The following PAX3 variants were observed in gnomAD, a reference collection of about 807,000 sequenced individuals.
PAX3 encodes paired box 3.
PAX3 carries 14 observed loss-of-function variants against 51.6 expected under a neutral mutation model. That is an observed-to-expected ratio of 0.27 (90% CI 0.18 to 0.42). The LOEUF (loss-of-function observed/expected upper bound fraction) is 0.42. Ranked by LOEUF, PAX3 falls within the 10% of genes least tolerant of loss-of-function variation. The pLI is 1.00. For missense variants in PAX3, 540 were observed against 642.8 expected (o/e 0.84, Z 1.73); for synonymous variants, 280 against 253.4 (o/e 1.11, Z -1.00).
intron 4 of PAX3, among the ~76,000 whole-genome samples, chr2:222,253,520 A>C (rs1264260441): frequency 6.6e-6 from 1 of 152,208 alleles, no homozygotes; most frequent in Non-Finnish European, 1.5e-5. Context: ...CAAAGATATA[A>C]CCAGAGTCCA....
intron 4 of PAX3, among the ~76,000 whole-genome samples, chr2:222,290,333 G>A (rs1694983828): frequency 6.6e-6 from 1 of 152,136 alleles, no homozygotes. Flanking sequence ...CAAAGCTTTC[G>A]TCACTTTTAC....
At chr2:222,270,052 C>T (rs1383980039) in intron 4 of PAX3, among the ~76,000 whole-genome samples, 2 of 152,160 alleles carry the variant, frequency 1.3e-5, no homozygotes, top group African/African-American at 2.4e-5. Context: ...GCATTGTCCC[C>T]TTGCAACACT....
intron 4 of PAX3, among the ~76,000 whole-genome samples, chr2:222,246,377 A>G (rs188268986): frequency 2.1e-3 from 321 of 152,310 alleles, no homozygotes; most frequent in African/African-American, 7.5e-3. Context: ...TTCACCACCC[A>G]ATTTACATGT....
chr2:222,212,622 A>AACACACACACAC (rs57019405), intron 7 of PAX3, among the ~76,000 whole-genome samples: 1 of 147,932 alleles, frequency 6.8e-6, no homozygotes, highest in Non-Finnish European at 1.5e-5. Flanking sequence ...TGGAAAAACA[A>AACACACACACAC]ACACACACAC....
chr2:222,243,463 C>T (rs1559280661), intron 4 of PAX3, among the ~76,000 whole-genome samples: 1 of 152,132 alleles, frequency 6.6e-6, no homozygotes. Flanking sequence ...GGAGCCTAAA[C>T]TCAAAAAGTA....
intron 4 of PAX3, among the ~76,000 whole-genome samples, chr2:222,292,624 C>A (rs547997956): frequency 3.9e-4 from 59 of 152,344 alleles, no homozygotes; most frequent in African/African-American, 1.4e-3. Context: ...CTCCCCACTG[C>A]CCACAGGAGC....
intron 4 of PAX3, among the ~76,000 whole-genome samples, chr2:222,270,735 T>A (rs1216275346): frequency 6.6e-6 from 1 of 152,188 alleles, no homozygotes; most frequent in Non-Finnish European, 1.5e-5. Flanking sequence ...ATCAGAACAA[T>A]GTGAAAATCA....
chr2:222,246,711 A>T (rs977512731), intron 4 of PAX3, among the ~76,000 whole-genome samples: 1 of 152,168 alleles, frequency 6.6e-6, no homozygotes, highest in Non-Finnish European at 1.5e-5. Context: ...AAGTTTTTAA[A>T]AACTTTCTTA....
chr2:222,204,258 AC>A (rs1691420311), intron 7 of PAX3, among the ~76,000 whole-genome samples: 1 of 152,144 alleles, frequency 6.6e-6, no homozygotes, highest in South Asian at 2.1e-4. Context: ...TTAGGGCCCT[AC>A]CCAGCATTGT....
intron 4 of PAX3, among the ~76,000 whole-genome samples, chr2:222,253,307 T>C (rs1194358028): frequency 3.3e-5 from 5 of 152,200 alleles, no homozygotes; most frequent in African/African-American, 9.7e-5. Context: ...CACAGAGTGC[T>C]TGTAGAATGT....
rs1036618296 is a variant in PAX3 at position 222,298,627 on chromosome 2, C to T, written c.-12G>A. On this transcript the variant is annotated 5_prime_UTR_variant, in exon 1 of 9. Coordinates refer to ENST00000392070, the MANE Select transcript of PAX3 (RefSeq NM_181458.4). ...GCCAGCGTGGTCATCCTGGGGGCAG[C>T]TTCGCTCGGAAATTATATCCAGGTG... is the stretch of plus-strand genomic sequence containing the variant. 6.3e-7 allele frequency: 1 copy of T among 1,598,440 alleles called. No individual in the cohort carries two copies. The highest frequency in any genetic ancestry group is 1.3e-5 in the African/African-American group (1 of 74,624).
chr2:222,271,661 T>C (rs1055567960), intron 4 of PAX3, among the ~76,000 whole-genome samples: 1 of 152,224 alleles, frequency 6.6e-6, no homozygotes, highest in African/African-American at 2.4e-5. Flanking sequence ...TTTTTAAACC[T>C]AAATAACCTA....
chr2:222,257,029 C>T (rs1003465506), intron 4 of PAX3, among the ~76,000 whole-genome samples: 3 of 152,194 alleles, frequency 2.0e-5, no homozygotes, highest in African/African-American at 7.2e-5. Context: ...ACAGAATGGG[C>T]ACACACAGAC....
rs536679300 is a variant in PAX3 at position 222,201,055 on chromosome 2, G to A, written c.*353C>T. The A allele has an allele frequency of 1.4e-4, 137 of 972,510 alleles. No individual in the cohort carries two copies. The highest frequency in any genetic ancestry group is 4.4e-4 in the African/African-American group (26 of 58,450). 60.2% of individuals were successfully genotyped at this position (972,510 alleles called of 1,614,324 possible). ...TCAATACACACACACACACACACAC[G>A]CACGCACGCACACAAGCAAATGGAA... On this transcript the variant is annotated 3_prime_UTR_variant, in exon 9 of 9. Coordinates refer to ENST00000392070, the MANE Select transcript of PAX3 (RefSeq NM_181458.4).
intron 7 of PAX3, among the ~76,000 whole-genome samples, chr2:222,218,188 A>AT (rs1026577381): frequency 1.8e-4 from 28 of 152,114 alleles, no homozygotes; most frequent in Non-Finnish European, 3.7e-4. Context: ...TGCCTATGGA[A>AT]TTTTCCGTTG....
At chr2:222,295,458 T>A (rs367873170) in intron 3 of PAX3, 70 bp downstream of exon 3, 1 of 1,568,048 alleles carries the variant, frequency 6.4e-7, no homozygotes, top group African/African-American at 1.4e-5. Flanking sequence ...GGTGATTACG[T>A]CTGGGTCGAC....
In PAX3 at chr2:222,200,957, C is replaced by A. The variant is rs1457852849; in HGVS notation, c.*451G>T. The A allele has an allele frequency of 3.4e-6, 2 of 590,600 alleles. No individual in the cohort carries two copies. The highest frequency in any genetic ancestry group is 6.0e-6 in the Non-Finnish European group (2 of 332,058). 36.6% of individuals were successfully genotyped at this position (590,600 alleles called of 1,614,324 possible). Reference sequence around the variant, plus strand: ...TTGTAGAAGTATCAGCATCGAACATCGACATGTTATACTTTAGGGTATTCT... The same window carrying A: ...TTGTAGAAGTATCAGCATCGAACATAGACATGTTATACTTTAGGGTATTCT... On this transcript the variant is annotated 3_prime_UTR_variant, in exon 9 of 9. Coordinates refer to ENST00000392070, the MANE Select transcript of PAX3 (RefSeq NM_181458.4).
intron 5 of PAX3, among the ~76,000 whole-genome samples, chr2:222,222,407 CT>C (rs140699845): frequency 0.015 from 2,059 of 140,584 alleles, 23 homozygotes; most frequent in African/African-American, 0.036. Flanking sequence ...TTCATTGAAA[CT>C]TTTTTTTTTT....
At chr2:222,264,808 CTG>C (rs1693985609) in intron 4 of PAX3, 1 of 152,220 alleles carries the variant, frequency 6.6e-6, no homozygotes, top group South Asian at 2.1e-4. Flanking sequence ...CCTTTGAAGA[CTG>C]AGGCATTCTG....
Sources: gnomAD v4.1 joint callset for allele counts (sites outside exome capture counted in the v4.1 genomes callset) on GRCh38, gnomAD v4.1.1 for gene constraint, MANE v1.5 for transcripts, NCBI Gene and HGNC (gene_info 2026-07-23, HGNC 2026-07-21) for gene names.